Variants in BBS1 observed in about 807,000 individuals in gnomAD.
BBS1 encodes the protein Bardet-Biedl syndrome 1.
BBS1 carries 60 observed loss-of-function variants against 73.9 expected under a neutral mutation model. That is an observed-to-expected ratio of 0.81 (90% CI 0.66 to 1.01). The LOEUF is 1.01. Among genes scored for constraint, BBS1 ranks in the 50% least tolerant of loss-of-function variants. BBS1 has a pLI of 0.00. For synonymous variants in BBS1, 283 were observed against 317.4 expected, an observed-to-expected ratio of 0.89 and a Z score of 1.15; for missense variants, 718 against 770.3, an observed-to-expected ratio of 0.93 and a Z score of 0.80.
In BBS1 at chr11:66,523,438, GTGT is replaced by G; in HGVS notation, c.831-13_831-11del. 2 of 1,614,138 alleles carry G rather than the reference GTGT, an allele frequency of 1.2e-6. No homozygotes were observed. Among genetic ancestry groups the G allele is most frequent in the Non-Finnish European group, 1.7e-6 (2 of 1,180,008 alleles). ...GAGGATTTCTCTGGGGCCAGACAGT[GTGT>G]TGTTTATTCCACAGAGACTCCAAGC... On this transcript the variant is annotated splice_polypyrimidine_tract_variant and intron_variant, in intron 9 of 16. Transcript: ENST00000318312.
chr11:66,514,785 C>A, intron 4 of BBS1, 107 bp downstream of exon 4: 1 of 1,329,988 alleles, frequency 7.5e-7, no homozygotes, highest in Non-Finnish European at 1.1e-6. Flanking sequence ...AGGAGGTCAG[C>A]TATAGTCCAT....
chr11:66,514,930 C>T (rs1436777029), intron 4 of BBS1, among the ~76,000 whole-genome samples: 1 of 151,952 alleles, frequency 6.6e-6, no homozygotes, highest in Non-Finnish European at 1.5e-5. Context: ...ATTCTTCTGT[C>T]TCATCCTCCT....
At chr11:66,525,712 C>T (rs1856459908) in intron 11 of BBS1, among the ~76,000 whole-genome samples, 1 of 152,180 alleles carries the variant, frequency 6.6e-6, no homozygotes, top group Non-Finnish European at 1.5e-5. Context: ...GAGGAGAGAA[C>T]TGACAGAAAA....
intron 13 of BBS1, among the ~76,000 whole-genome samples, chr11:66,528,441 G>GTCCCCTC (rs1856613477): frequency 6.6e-6 from 1 of 152,150 alleles, no homozygotes; most frequent in South Asian, 2.1e-4. Context: ...GGGAAAATAA[G>GTCCCCTC]AATGAGGGGA....
At chr11:66,517,198 C>CA (rs1365891069) in intron 7 of BBS1, among the ~76,000 whole-genome samples, 81 of 112,466 alleles carry the variant, frequency 7.2e-4, no homozygotes, top group Admixed American at 1.4e-3. Context: ...GACTCTATCT[C>CA]AAAAAAAAAA....
chr11:66,515,239 C>G (rs1345744487), intron 4 of BBS1, among the ~76,000 whole-genome samples: 1 of 152,138 alleles, frequency 6.6e-6, no homozygotes, highest in East Asian at 1.9e-4. Flanking sequence ...AGCCACATCC[C>G]TGCCCAAATT....
chr11:66,510,709 G>A lies in BBS1; in HGVS notation c.47+3G>A. 1 of 1,614,180 alleles carries A rather than the reference G, an allele frequency of 6.2e-7. No individual in the cohort carries two copies. Among genetic ancestry groups the A allele is most frequent in the Non-Finnish European group, 8.5e-7 (1 of 1,180,006 alleles). On this transcript the variant is annotated splice_donor_region_variant and intron_variant, in intron 1 of 16. Coordinates refer to ENST00000318312, the MANE Select transcript of BBS1 (RefSeq NM_024649.5). ...TCCGACGCCTGCGGAGCTGAGAGGT[G>A]AAGGCAGGGCTCCTCAAGGCCTCTT...
In BBS1 at chr11:66,523,736, T is replaced by C. The variant is rs768292767; in HGVS notation, c.964T>C (p.Trp322Arg). ...HGFTHKGKKL[W>R]TVQMPAAILT... ...TGTTCCCTGCCAGGGGAAGAAGCTG[T>C]GGACAGTGCAGATGCCCGCAGCCAT... The change falls in exon 11 of 17, where the codon TGG (tryptophan) becomes CGG (arginine). Residue 322 changes from tryptophan (W) to arginine (R), a missense_variant. By Grantham distance (101) the Trp-to-Arg change is moderately radical. Coordinates refer to ENST00000318312, the MANE Select transcript of BBS1 (RefSeq NM_024649.5). 1 of 1,611,794 alleles carries C rather than the reference T, an allele frequency of 6.2e-7. No homozygotes were observed. Among genetic ancestry groups the C allele is most frequent in the Non-Finnish European group, 8.5e-7 (1 of 1,180,004 alleles).
chr11:66,531,969 G>T lies in BBS1; in HGVS notation c.1714G>T (p.Gly572Cys), dbSNP rs758544060. 2.5e-6 allele frequency: 4 copies of T among 1,602,038 alleles called. No homozygotes were observed. Among genetic ancestry groups the T allele is most frequent in the Non-Finnish European group, 3.4e-6 (4 of 1,174,816 alleles). Reference protein sequence around the residue: ...DIIKVLVLREGQSAPLLSAHV... With the variant: ...DIIKVLVLRECQSAPLLSAHV... ...TCCATAGGTGCTGGTGCTTCGAGAA[G>T]GCCAAAGTGCACCCCTGCTGAGTGC... The change falls in exon 17 of 17, where the codon GGC (glycine) becomes TGC (cysteine). Residue 572 changes from glycine (G) to cysteine (C), a missense_variant. Coordinates refer to ENST00000318312, the MANE Select transcript of BBS1 (RefSeq NM_024649.5).
Position 66,511,022 on chromosome 11 carries a change from C to T in BBS1, c.57C>T (p.Ala19=). ...TTTCCCCCACTTCCAGCAATGAGGC[C>T]AATTCGAAGTGGTTGGATGCGCACT... ...SDACGAESNE[A]NSKWLDAHYD... Residue 19 remains alanine, a synonymous_variant, in exon 2 of 17, where the codon GCC becomes GCT. Transcript: ENST00000318312. 1.2e-6 allele frequency: 2 copies of T among 1,614,134 alleles called. No individual in the cohort carries two copies. Among genetic ancestry groups the T allele is most frequent in the East Asian group, 4.5e-5 (2 of 44,876 alleles).
chr11:66,521,408 G>A, intron 9 of BBS1, 32 bp downstream of exon 9: 1 of 1,565,812 alleles, frequency 6.4e-7, no homozygotes, highest in Non-Finnish European at 8.8e-7. Flanking sequence ...GGGGCCGGGA[G>A]GAACATCTCA....
intron 1 of BBS1, 22 bp from the exon 2 acceptor site, chr11:66,510,991 A>T: frequency 6.2e-7 from 1 of 1,613,840 alleles, no homozygotes; most frequent in Non-Finnish European, 8.5e-7. Flanking sequence ...TCACTCCCCA[A>T]CTGTCTTTCC....
rs1856337246 is a variant in BBS1 at position 66,523,494 on chromosome 11, C to T, written c.869C>T (p.Ala290Val). ...KHPKYCIELS[A>V]QPVGLIRVHK... ...CCCAAGTACTGCATCGAGCTGAGCG[C>T]CCAGCCTGTGGGACTTATCCGGGTA... Residue 290 changes from alanine to valine, a missense_variant, in exon 10 of 17, where the codon GCC (alanine) becomes GTC (valine). Transcript: ENST00000318312. 1.9e-6 allele frequency: 3 copies of T among 1,614,002 alleles called. No individual in the cohort carries two copies. Among genetic ancestry groups the T allele is most frequent in the East Asian group, 4.5e-5 (2 of 44,896 alleles).
chr11:66,514,739 A>C (rs1856013257), intron 4 of BBS1, 61 bp downstream of exon 4: 1 of 1,587,596 alleles, frequency 6.3e-7, no homozygotes. Context: ...CTGGGTGAAG[A>C]GGGCTGGGCT....
chr11:66,527,668 CA>C (rs58165767), intron 13 of BBS1: 14,507 of 58,216 alleles, frequency 0.25, 368 homozygotes, highest in Non-Finnish European at 0.3. Flanking sequence ...GACTCCGTCT[CA>C]AAAAAAAAAA....
At chr11:66,510,934 G>A (rs1052339045) in intron 1 of BBS1, 79 bp from the exon 2 acceptor site, 193 of 1,504,864 alleles carry the variant, frequency 1.3e-4, no homozygotes, top group Middle Eastern at 1.7e-4. Context: ...TGTTCAGAGT[G>A]ACCTGTACCA....
At chr11:66,514,014 C>T (rs536081233) in intron 3 of BBS1, among the ~76,000 whole-genome samples, 16 of 152,200 alleles carry the variant, frequency 1.1e-4, no homozygotes, top group Non-Finnish European at 2.2e-4. Context: ...TTCAGCAGCC[C>T]AGATATGGGT....
intron 13 of BBS1, among the ~76,000 whole-genome samples, chr11:66,528,834 G>A (rs371145216): frequency 1.2e-4 from 18 of 151,986 alleles, no homozygotes; most frequent in Admixed American, 5.2e-4. Flanking sequence ...CAGGCTTGGC[G>A]GCGCGTGCCT....
chr11:66,529,935 C>G lies in BBS1; in HGVS notation c.1456C>G (p.Leu486Val). The change falls in exon 14 of 17, where the codon CTC becomes GTC. Residue 486 changes from leucine (L) to valine (V), a missense_variant. By Grantham distance (32) the Leu-to-Val change is conservative (BLOSUM62 1). Coordinates refer to ENST00000318312, the MANE Select transcript of BBS1 (RefSeq NM_024649.5). ...CCTGTCCACGACAGCCCGAGAGCCA[C>G]TCAAGCTGCACGCCGTGGTGAGCAT... ...SPLSTTAREPLKLHAVVQGLG... is the reference protein window; with the variant it reads ...SPLSTTAREPVKLHAVVQGLG... The G allele has an allele frequency of 6.2e-7, 1 of 1,604,292 alleles. No homozygotes were observed.
Sources: gnomAD v4.1 joint callset for allele counts (sites outside exome capture counted in the v4.1 genomes callset) on GRCh38, gnomAD v4.1.1 for gene constraint, MANE v1.5 for transcripts, NCBI Gene and HGNC (gene_info 2026-07-23, HGNC 2026-07-21) for gene names.